IGSF5: variants seen among roughly 807,000 people sequenced by gnomAD.
IGSF5 encodes immunoglobulin superfamily member 5, also known as immunoglobulin superfamily 5 like.
IGSF5 carries 41 observed loss-of-function variants against 39.4 expected under a neutral mutation model. The observed-to-expected ratio is 1.04, with a 90% CI of 0.81 to 1.35. IGSF5 has a LOEUF of 1.35. Among genes scored for constraint, IGSF5 ranks in the 40% most tolerant of loss-of-function variants. IGSF5 has a pLI of 0.00. For missense variants in IGSF5, 487 were observed against 494.6 expected (o/e 0.98, Z 0.15); for synonymous variants, 183 against 175.3 (o/e 1.04, Z -0.34).
At chr21:39,720,681 G>A in the IGSF5 span, among the ~76,000 whole-genome samples, 1 of 152,098 alleles carries the variant, frequency 6.6e-6, no homozygotes, top group African/African-American at 2.4e-5. Context: ...AGAGGAAAAG[G>A]GCATTAGGGA....
chr21:39,750,622 T>C (rs1418775027), intron 2 of IGSF5, among the ~76,000 whole-genome samples: 1 of 146,698 alleles, frequency 6.8e-6, no homozygotes, highest in African/African-American at 2.8e-5. Flanking sequence ...GTTCATCTCC[T>C]AGCACTTGAG....
chr21:39,726,696 A>C, the IGSF5 span, among the ~76,000 whole-genome samples: 1 of 152,058 alleles, frequency 6.6e-6, no homozygotes, highest in African/African-American at 2.4e-5. Context: ...GCTGGAGGTG[A>C]TTTTCCCTTA....
At chr21:39,712,530 G>A in the IGSF5 span, among the ~76,000 whole-genome samples, 1 of 152,094 alleles carries the variant, frequency 6.6e-6, no homozygotes, top group Non-Finnish European at 1.5e-5. Context: ...CCATACTGGG[G>A]GCTCAGGGTT....
intron 4 of IGSF5, among the ~76,000 whole-genome samples, chr21:39,775,684 AGT>A: frequency 6.6e-6 from 1 of 152,292 alleles, no homozygotes; most frequent in South Asian, 2.1e-4. Flanking sequence ...AAAGGCAAGC[AGT>A]GTTGACCTTG....
At chr21:39,795,168 T>G (rs750259324) in intron 8 of IGSF5, among the ~76,000 whole-genome samples, 3 of 152,116 alleles carry the variant, frequency 2.0e-5, no homozygotes, top group Non-Finnish European at 4.4e-5. Flanking sequence ...AGAGGTAATG[T>G]TTTTTCCATC....
At chr21:39,712,834 T>C in the IGSF5 span, among the ~76,000 whole-genome samples, 1 of 152,160 alleles carries the variant, frequency 6.6e-6, no homozygotes, top group African/African-American at 2.4e-5. Flanking sequence ...ACAGGACCAT[T>C]CACAGGCCTC....
chr21:39,734,100 T>A, the IGSF5 span, among the ~76,000 whole-genome samples: 9 of 152,168 alleles, frequency 5.9e-5, no homozygotes, highest in Non-Finnish European at 1.3e-4. Flanking sequence ...ATTTTCAATA[T>A]GTAAAATTAC....
At chr21:39,751,361 T>G (rs1305955517) in intron 2 of IGSF5, 1 of 152,288 alleles carries the variant, frequency 6.6e-6, no homozygotes, top group African/African-American at 2.4e-5. Context: ...GGCTCCCCTG[T>G]GACAGGTGTT....
the IGSF5 span, chr21:39,727,639 A>G: frequency 6.6e-6 from 1 of 152,258 alleles, no homozygotes; most frequent in East Asian, 1.9e-4. Context: ...CGTCCCAACC[A>G]TGGTCCCTGG....
chr21:39,801,315 T>C lies in IGSF5; in HGVS notation c.1182T>C (p.Asn394=). Residue 394 remains asparagine (N), a synonymous_variant, in exon 9 of 9, where the codon AAT becomes AAC. Coordinates refer to ENST00000380588, the MANE Select transcript of IGSF5 (RefSeq NM_001080444.2). ...CAAGTCATCCACAGGCTTCTTTTAATCTGGCCAGTCCTGAGAAGGTCAGTA... is the reference window on the plus strand; with the variant it reads ...CAAGTCATCCACAGGCTTCTTTTAACCTGGCCAGTCCTGAGAAGGTCAGTA... ...RPASHPQASF[N]LASPEKVSNT... 6.2e-7 allele frequency: 1 copy of C among 1,614,134 alleles called. No homozygotes were observed. The highest frequency in any genetic ancestry group is 1.1e-5 in the South Asian group (1 of 91,074).
intron 6 of IGSF5, among the ~76,000 whole-genome samples, chr21:39,790,449 A>G (rs1203039804): frequency 2.0e-5 from 3 of 152,120 alleles, no homozygotes; most frequent in African/African-American, 7.2e-5. Context: ...CCTTGAGCCC[A>G]GGAGTTTGAG....
the IGSF5 span, among the ~76,000 whole-genome samples, chr21:39,712,088 T>G: frequency 6.6e-6 from 1 of 152,190 alleles, no homozygotes; most frequent in African/African-American, 2.4e-5. Context: ...AGCCACTGAA[T>G]CCCATACTCA....
chr21:39,801,938 C>T lies in IGSF5; in HGVS notation c.*581C>T, dbSNP rs2087032514. On this transcript the variant is annotated 3_prime_UTR_variant, in exon 9 of 9. Transcript: ENST00000380588. Reference sequence around the variant, plus strand: ...TGAAGGCATTCATTTTTATCTGCCCCTTTATCAGACCTATTTGCATCTCCT... The same window carrying T: ...TGAAGGCATTCATTTTTATCTGCCCTTTTATCAGACCTATTTGCATCTCCT... The T allele has an allele frequency of 6.6e-6, 1 of 152,500 alleles. No homozygotes were observed. Among genetic ancestry groups the T allele is most frequent in the Non-Finnish European group, 1.5e-5 (1 of 68,298 alleles). The allele number at this position is 152,500 out of a possible 1,614,324, so 9.4% of individuals were successfully genotyped here.
intron 2 of IGSF5, among the ~76,000 whole-genome samples, chr21:39,752,236 C>T (rs2080009249): frequency 1.3e-5 from 2 of 152,132 alleles, no homozygotes; most frequent in Non-Finnish European, 2.9e-5. Flanking sequence ...AGCTTAGCTC[C>T]CACTTATAAG....
upstream of IGSF5, among the ~76,000 whole-genome samples, chr21:39,741,492 C>A (rs542388579): frequency 6.6e-6 from 1 of 152,176 alleles, no homozygotes; most frequent in East Asian, 1.9e-4. Flanking sequence ...AACCTTGTAG[C>A]CACAGGTAGT....
Position 39,785,632 on chromosome 21 carries a change from G to T in IGSF5, c.935-2535G>T, listed in dbSNP as rs890971639. ...GCTTGATGGGGATGGCATTGAATCTGTAAATTACCTTGGGCAGTATGGCCA... is the reference window on the plus strand; with the variant it reads ...GCTTGATGGGGATGGCATTGAATCTTTAAATTACCTTGGGCAGTATGGCCA... On this transcript the variant is annotated intron_variant, in intron 5 of 8. Coordinates refer to ENST00000380588, the MANE Select transcript of IGSF5 (RefSeq NM_001080444.2). Among the ~76,000 whole-genome samples the T allele has an allele frequency of 1.0e-3, 157 of 152,118 alleles. 1 individual carries two copies. The highest frequency in any genetic ancestry group is 3.4e-3 in the African/African-American group (142 of 41,498).
intron 2 of IGSF5, among the ~76,000 whole-genome samples, chr21:39,758,757 C>T (rs1418611910): frequency 6.6e-6 from 1 of 152,200 alleles, no homozygotes; most frequent in African/African-American, 2.4e-5. Context: ...GGGGTTTTCA[C>T]AGCCAGCTTT....
At chr21:39,774,034 G>A (rs529897051) in intron 4 of IGSF5, among the ~76,000 whole-genome samples, 3 of 152,338 alleles carry the variant, frequency 2.0e-5, no homozygotes, top group South Asian at 2.1e-4. Flanking sequence ...GTGCCTTAAC[G>A]ATGGTAGCTG....
At chr21:39,731,272 C>G in the IGSF5 span, among the ~76,000 whole-genome samples, 1 of 152,166 alleles carries the variant, frequency 6.6e-6, no homozygotes, top group East Asian at 1.9e-4. Context: ...GTTGAGAGGT[C>G]GGTTTATCGC....
Sources: allele counts gnomAD v4.1 joint callset (sites outside exome capture counted in the v4.1 genomes callset), GRCh38; gene constraint gnomAD v4.1.1; transcripts MANE v1.5; gene names NCBI Gene and HGNC (gene_info 2026-07-23, HGNC 2026-07-21).